Variants in OLFML2A observed in about 807,000 individuals in gnomAD.
OLFML2A encodes olfactomedin-like protein 2A.
Under a neutral mutation model 60.9 loss-of-function variants are expected in OLFML2A, and 47 were observed. The ratio of observed to expected loss-of-function variants is 0.77; its 90% confidence interval spans 0.61 to 0.98. The LOEUF is 0.98. Ranked by LOEUF, OLFML2A falls within the 50% of genes least tolerant of loss-of-function variation. The probability of loss-of-function intolerance (pLI) is 0.00; values close to 1 mark genes in which losing one functional copy is unlikely to be tolerated. For missense variants in OLFML2A, 922 were observed against 879.8 expected, an observed-to-expected ratio of 1.05 and a Z score of -0.61; for synonymous variants, 372 against 375.0, an observed-to-expected ratio of 0.99 and a Z score of 0.09.
intron 6 of OLFML2A, among the ~76,000 whole-genome samples, chr9:124,804,988 C>T (rs1168133340): frequency 6.6e-6 from 1 of 152,168 alleles, no homozygotes; most frequent in Non-Finnish European, 1.5e-5. Context: ...CAGGCATGAG[C>T]CACCGCACCA....
intron 6 of OLFML2A, among the ~76,000 whole-genome samples, chr9:124,805,814 T>TG (rs1564288311): frequency 1.1e-4 from 14 of 129,064 alleles, no homozygotes; most frequent in African/African-American, 4.3e-4. Flanking sequence ...TTTGGTTTTT[T>TG]TTTTTTTTTT....
In OLFML2A at chr9:124,799,440, T is replaced by TGCC. The variant is rs1169919726; in HGVS notation, c.628_630dup (p.Ala210dup). The stretch of plus-strand genomic sequence containing the variant: ...TGGGCCTCCAGCTGCTGCAGAAGGA[T>TGCC]GCCGCCGCCGCCCCTGCCACCCCTG... On this transcript the variant is annotated inframe_insertion, in exon 4 of 8. Coordinates refer to ENST00000373580, the MANE Select transcript of OLFML2A (RefSeq NM_182487.4). The TGCC allele has an allele frequency of 1.2e-6, 2 of 1,610,184 alleles. No homozygotes were observed. Among genetic ancestry groups the TGCC allele is most frequent in the Non-Finnish European group, 1.7e-6 (2 of 1,179,060 alleles).
Position 124,810,165 on chromosome 9 carries a change from G to C in OLFML2A, c.1712G>C (p.Arg571Pro). 6.2e-7 allele frequency: 1 copy of C among 1,613,906 alleles called. No individual in the cohort carries two copies. Among genetic ancestry groups the C allele is most frequent in the Middle Eastern group, 1.6e-4 (1 of 6,062 alleles). ...GAGACCACGTGGAAGACACGGCTGC[G>C]GCGGAACTCCTACGGGAACTGCTTC... is the stretch of plus-strand genomic sequence containing the variant. ...HRETTWKTRL[R>P]RNSYGNCFLV... The change falls in exon 8 of 8, where the codon CGG becomes CCG. Residue 571 changes from arginine (R) to proline (P), a missense_variant. Arg to Pro is a moderately radical substitution (Grantham distance 103). Coordinates refer to ENST00000373580, the MANE Select transcript of OLFML2A (RefSeq NM_182487.4).
At position 124,810,272 on chromosome 9, in the gene OLFML2A, G is replaced by A; in HGVS notation, c.1819G>A (p.Gly607Ser). Residue 607 changes from glycine to serine, a missense_variant, in exon 8 of 8, where the codon GGC (glycine) becomes AGC (serine). By Grantham distance (56) the Gly-to-Ser change is moderately conservative (BLOSUM62 0). Transcript: ENST00000373580. ...CGCCTACGCTTTCGACACGCACACGGGCACCGACGCACGCCCCCAGCTGCC... is the reference window on the plus strand; with the variant it reads ...CGCCTACGCTTTCGACACGCACACGAGCACCGACGCACGCCCCCAGCTGCC... The part of the protein sequence containing the change: ...QVAYAFDTHT[G>S]TDARPQLPFL... The A allele has an allele frequency of 1.2e-6, 2 of 1,611,140 alleles. No homozygotes were observed. The highest frequency in any genetic ancestry group is 8.5e-7 in the Non-Finnish European group (1 of 1,179,978).
intron 1 of OLFML2A, 25 bp from the exon 2 acceptor site, chr9:124,786,950 G>C: frequency 6.3e-7 from 1 of 1,594,592 alleles, no homozygotes; most frequent in Non-Finnish European, 8.6e-7. Context: ...CAACTCACTG[G>C]AGCCCCTCTT....
At position 124,801,400 on chromosome 9, in the gene OLFML2A, C is replaced by A. The variant is rs1841770918; in HGVS notation, c.670-14C>A. 2.5e-6 allele frequency: 4 copies of A among 1,613,162 alleles called. No individual in the cohort carries two copies. The South Asian group carries it at 4.4e-5, about 18-fold the overall frequency. ...CTACTGTCCTTCAAGTCTGAGACTT[C>A]TCTTCCCTCCCAGGACACAGCTAGA... On this transcript the variant is annotated splice_polypyrimidine_tract_variant and intron_variant, in intron 4 of 7. Coordinates refer to ENST00000373580, the MANE Select transcript of OLFML2A (RefSeq NM_182487.4).
At chr9:124,807,760 T>C (rs765474213) in intron 6 of OLFML2A, 21 bp from the exon 7 acceptor site, 13 of 1,598,804 alleles carry the variant, frequency 8.1e-6, no homozygotes, top group Non-Finnish European at 1.0e-5. Flanking sequence ...GTACCGATGC[T>C]GCCTGCCCTC....
At chr9:124,786,461 C>A (rs1051535545) in intron 1 of OLFML2A, among the ~76,000 whole-genome samples, 1 of 151,902 alleles carries the variant, frequency 6.6e-6, no homozygotes, top group Non-Finnish European at 1.5e-5. Flanking sequence ...TGGCTCACAC[C>A]TGTAATCCCA....
intron 4 of OLFML2A, chr9:124,800,850 C>T: frequency 3.5e-6 from 5 of 1,434,010 alleles, no homozygotes; most frequent in Non-Finnish European, 4.6e-6. Context: ...GTGAAAATAA[C>T]AAAACACAAA....
At position 124,812,121 on chromosome 9, in the gene OLFML2A, G is replaced by C. The variant is rs1023969912; in HGVS notation, c.*1709G>C. On this transcript the variant is annotated 3_prime_UTR_variant, in exon 8 of 8. Coordinates refer to ENST00000373580, the MANE Select transcript of OLFML2A (RefSeq NM_182487.4). ...GAATACCAGTTGCCATGTTAGGAAG[G>C]TCAGCTGCACAGCCAAGAGTGTAAG... 1.3e-5 allele frequency: 2 copies of C among 151,616 alleles called. No homozygotes were observed. 9.4% of individuals were successfully genotyped at this position (151,616 alleles called of 1,614,324 possible).
At chr9:124,784,817 T>C (rs1201219997) in intron 1 of OLFML2A, among the ~76,000 whole-genome samples, 1 of 152,132 alleles carries the variant, frequency 6.6e-6, no homozygotes, top group Non-Finnish European at 1.5e-5. Flanking sequence ...CTCTCCTGGA[T>C]ACAGCATTTC....
chr9:124,779,621 G>A lies in OLFML2A; in HGVS notation c.90+2261G>A, dbSNP rs950964648. ...GGAGAGGCACAACCTAGAGCTTGCA[G>A]GATGAACAGCTGGGGGACTCAGCAC... On this transcript the variant is annotated intron_variant, in intron 1 of 7. Transcript: ENST00000373580. The surrounding 1 kb of genome is among the most constrained non-coding windows in gnomAD (Gnocchi z 4.1). Among the ~76,000 whole-genome samples the A allele has an allele frequency of 1.2e-4, 18 of 152,086 alleles. No individual in the cohort carries two copies. The highest frequency in any genetic ancestry group is 3.6e-4 in the African/African-American group (15 of 41,404).
rs2131289291 is a variant in OLFML2A, at chr9:124,812,704, G to C, written c.*2292G>C. ...TTGGCCCTGGGTGTGGGTTTTACAA[G>C]ACTGTGTCTTTCATGACATCATAGC... is the stretch of plus-strand genomic sequence containing the variant. On this transcript the variant is annotated 3_prime_UTR_variant, in exon 8 of 8. Coordinates refer to ENST00000373580, the MANE Select transcript of OLFML2A (RefSeq NM_182487.4). 6.6e-6 allele frequency: 1 copy of C among 152,286 alleles called. No individual in the cohort carries two copies. Among genetic ancestry groups the C allele is most frequent in the East Asian group, 1.9e-4 (1 of 5,182 alleles). 9.4% of individuals were successfully genotyped at this position (152,286 alleles called of 1,614,324 possible). A position where few individuals can be genotyped will look rare whatever the true frequency, so the allele number is the denominator to read the frequency against.
At chr9:124,803,097 C>CG (rs1313979229) in intron 5 of OLFML2A, among the ~76,000 whole-genome samples, 1 of 151,710 alleles carries the variant, frequency 6.6e-6, no homozygotes, top group Non-Finnish European at 1.5e-5. Flanking sequence ...TTAGTAGAGA[C>CG]GGGGTTTCGT....
intron 1 of OLFML2A, among the ~76,000 whole-genome samples, chr9:124,786,496 G>A (rs1035117497): frequency 2.0e-5 from 3 of 151,826 alleles, no homozygotes; most frequent in African/African-American, 2.4e-5. Flanking sequence ...CGAGGCGGGC[G>A]GATCACAAGG....
At chr9:124,787,329 G>T (rs1377723003) in intron 2 of OLFML2A, 91 bp downstream of exon 2, 6 of 1,293,432 alleles carry the variant, frequency 4.6e-6, no homozygotes, top group Non-Finnish European at 6.5e-6. Flanking sequence ...ACTCTGTGAG[G>T]CGAGTGGTGT....
chr9:124,796,045 C>G (rs563991956), intron 3 of OLFML2A, among the ~76,000 whole-genome samples: 2 of 152,216 alleles, frequency 1.3e-5, no homozygotes, highest in African/African-American at 2.4e-5. Flanking sequence ...TGCATCCGGC[C>G]TCTGTTGGGC....
intron 7 of OLFML2A, among the ~76,000 whole-genome samples, chr9:124,809,416 T>C (rs1841958705): frequency 6.6e-6 from 1 of 151,164 alleles, no homozygotes; most frequent in Non-Finnish European, 1.5e-5. Flanking sequence ...CTAGAGGAGG[T>C]GACATTGGCC....
At chr9:124,802,334 G>A (rs1328113696) in intron 5 of OLFML2A, among the ~76,000 whole-genome samples, 1 of 152,168 alleles carries the variant, frequency 6.6e-6, no homozygotes, top group Non-Finnish European at 1.5e-5. Context: ...CTCTTCTGAT[G>A]TCCCAGAGGG....
Sources: gnomAD v4.1 joint callset for allele counts (sites outside exome capture counted in the v4.1 genomes callset) on GRCh38, gnomAD v4.1.1 for gene constraint, Gnocchi (gnomAD v3.1) non-coding constraint, MANE v1.5 for transcripts, NCBI Gene and HGNC (gene_info 2026-07-23, HGNC 2026-07-21) for gene names.